Variants in PHF11 observed in about 807,000 individuals in gnomAD.
The protein encoded by PHF11 is BRCA1 C-terminus-associated protein.
In PHF11, 38 loss-of-function variants were observed where a neutral mutation model predicts 40.5. That is an observed-to-expected ratio of 0.94 (90% CI 0.72 to 1.23). The LOEUF is 1.23. Ranked by LOEUF, PHF11 falls within the 50% of genes most tolerant of loss-of-function variation. PHF11 has a pLI of 0.00. For missense variants in PHF11, 369 were observed against 392.4 expected (o/e 0.94, Z 0.50); for synonymous variants, 127 against 138.2 (o/e 0.92, Z 0.57).
chr13:49,506,028 C>T (rs1958982423), intron 1 of PHF11, among the ~76,000 whole-genome samples: 1 of 152,038 alleles, frequency 6.6e-6, no homozygotes, highest in Non-Finnish European at 1.5e-5. Context: ...TTATTGAGAG[C>T]TTGCTATGGG....
chr13:49,505,973 A>C (rs1041458522), intron 1 of PHF11, among the ~76,000 whole-genome samples: 2 of 152,150 alleles, frequency 1.3e-5, no homozygotes, highest in Admixed American at 1.3e-4. Context: ...CTATTTCTTA[A>C]TATGCCATTG....
At chr13:49,523,502 A>T (rs891089727) in intron 7 of PHF11, 14 of 469,190 alleles carry the variant, frequency 3.0e-5, no homozygotes, top group Non-Finnish European at 5.2e-5. Context: ...GGCTTGCCTG[A>T]GCTCAGAATC....
intron 8 of PHF11, among the ~76,000 whole-genome samples, chr13:49,525,287 T>C (rs1017382715): frequency 1.3e-5 from 2 of 152,156 alleles, no homozygotes; most frequent in Non-Finnish European, 2.9e-5. Context: ...TCGCTCTCTC[T>C]CCCAGGCTGA....
At chr13:49,512,013 C>T (rs1959088187) in intron 2 of PHF11, among the ~76,000 whole-genome samples, 1 of 152,206 alleles carries the variant, frequency 6.6e-6, no homozygotes, top group African/African-American at 2.4e-5. Context: ...TTTTACATTT[C>T]TACCAATAAT....
chr13:49,514,021 C>G (rs1039832928), intron 3 of PHF11, among the ~76,000 whole-genome samples: 1 of 152,216 alleles, frequency 6.6e-6, no homozygotes, highest in African/African-American at 2.4e-5. Context: ...TCTGCACCAA[C>G]TGCTGGGGGT....
chr13:49,525,690 G>C (rs2139079832), intron 8 of PHF11: 1 of 402,742 alleles, frequency 2.5e-6, no homozygotes, highest in Non-Finnish European at 4.9e-6. Context: ...ATTTTCTATA[G>C]GGCAAAACCA....
intron 9 of PHF11, 81 bp from the exon 10 acceptor site, chr13:49,528,430 G>A (rs1959402810): frequency 3.0e-6 from 3 of 1,005,970 alleles, no homozygotes; most frequent in Admixed American, 2.5e-5. Context: ...GTACCTGCAA[G>A]TGAAAGGGGC....
Position 49,513,090 on chromosome 13 carries a change from A to G in PHF11, c.248A>G (p.Asp83Gly), listed in dbSNP as rs1366704719. 3 of 1,598,034 alleles carry G rather than the reference A, an allele frequency of 1.9e-6. No individual in the cohort carries two copies. The highest frequency in any genetic ancestry group is 1.7e-6 in the Non-Finnish European group (2 of 1,165,858). ...TCTTCAGGACTTGTGGAATGTGAGG[A>G]TCAGGATCCACTTAATCCTGATAGA... Reference protein sequence around the residue: ...LYSSGLVECEDQDPLNPDRSF... With the variant: ...LYSSGLVECEGQDPLNPDRSF... The change falls in exon 3 of 10, where the codon GAT becomes GGT. Residue 83 changes from aspartate (D) to glycine (G), a missense_variant. Asp to Gly is a moderately conservative substitution (Grantham distance 94, BLOSUM62 -1). Transcript: ENST00000378319.
chr13:49,500,304 T>C (rs1958882166), intron 1 of PHF11, among the ~76,000 whole-genome samples: 1 of 152,324 alleles, frequency 6.6e-6, no homozygotes, highest in South Asian at 2.1e-4. Flanking sequence ...ACCAATGGGC[T>C]CTTCCCTAAA....
rs1250916899 is a variant in PHF11 at position 49,520,926 on chromosome 13, T to G, written c.491T>G (p.Ile164Ser). ...TGCCAGCAACATGCTCAATTCCCGA[T>G]CATCGCTCAAAGTGGTAAGTTTCTA... ...LLCQQHAQFP[I>S]IAQSAKFSGV... is the part of the protein sequence containing the mutation. The change falls in exon 5 of 10, where the codon ATC becomes AGC. Residue 164 changes from isoleucine (I) to serine (S), a missense_variant. By Grantham distance (142) the Ile-to-Ser change is moderately radical. Transcript: ENST00000378319. 6.3e-7 allele frequency: 1 copy of G among 1,583,930 alleles called. No homozygotes were observed. The highest frequency in any genetic ancestry group is 1.3e-5 in the African/African-American group (1 of 74,258).
chr13:49,499,127 T>C (rs1175618691), intron 1 of PHF11, among the ~76,000 whole-genome samples: 1 of 152,244 alleles, frequency 6.6e-6, no homozygotes, highest in Non-Finnish European at 1.5e-5. Context: ...GCTTTGTTCT[T>C]CTCTTTCTCT....
At chr13:49,508,308 G>T (rs1016464759) in intron 2 of PHF11, among the ~76,000 whole-genome samples, 1 of 144,858 alleles carries the variant, frequency 6.9e-6, no homozygotes, top group Non-Finnish European at 1.5e-5. Flanking sequence ...TAAATAATAT[G>T]CATTTTATAT....
At chr13:49,496,482 G>T in intron 1 of PHF11, 7 of 1,002,056 alleles carry the variant, frequency 7.0e-6, no homozygotes, top group Non-Finnish European at 8.3e-6. Context: ...GCCCTGATGC[G>T]GTGAGGCAGG....
At chr13:49,510,313 C>T (rs575842203) in intron 2 of PHF11, among the ~76,000 whole-genome samples, 3 of 152,172 alleles carry the variant, frequency 2.0e-5, no homozygotes, top group East Asian at 1.9e-4. Context: ...GTGTGAGCCA[C>T]CATACCTGGC....
chr13:49,524,497 G>A (rs111478856), intron 8 of PHF11, among the ~76,000 whole-genome samples: 5,827 of 148,520 alleles, frequency 0.039, 206 homozygotes, highest in African/African-American at 0.085. Context: ...TTTTTAAGAC[G>A]GAGTTTCGCC....
chr13:49,527,655 T>A (rs989546986), intron 9 of PHF11, among the ~76,000 whole-genome samples: 6 of 152,118 alleles, frequency 3.9e-5, no homozygotes, highest in African/African-American at 1.4e-4. Context: ...GCCTTAAAAA[T>A]TTTTTTCTAA....
At chr13:49,496,637 G>A in intron 1 of PHF11, 1 of 164,120 alleles carries the variant, frequency 6.1e-6, no homozygotes, top group Non-Finnish European at 1.3e-5. Context: ...TTGCGTGTGT[G>A]TATAGCTCCA....
intron 2 of PHF11, among the ~76,000 whole-genome samples, chr13:49,509,126 A>G (rs973683800): frequency 6.6e-6 from 1 of 152,180 alleles, no homozygotes; most frequent in African/African-American, 2.4e-5. Context: ...ATTTATGGAA[A>G]AGTTGCATAT....
At position 49,513,136 on chromosome 13, in the gene PHF11, A is replaced by T. The variant is rs760718973; in HGVS notation, c.294A>T (p.Val98=). 7.6e-6 allele frequency: 12 copies of T among 1,580,286 alleles called. No homozygotes were observed. The highest frequency in any genetic ancestry group is 7.0e-6 in the Non-Finnish European group (8 of 1,149,366). Residue 98 remains valine (V), a synonymous_variant, in exon 3 of 10, where the codon GTA becomes GTT. Transcript: ENST00000378319. ...NPDRSFDVES[V]KKEIQRGRKL... ...ATAGAAGTTTTGATGTGGAATCAGT[A>T]AAGAAAGAAATCCAGAGAGGAAGGA...
Sources: allele counts gnomAD v4.1 joint callset (sites outside exome capture counted in the v4.1 genomes callset), GRCh38; gene constraint gnomAD v4.1.1; transcripts MANE v1.5; gene names NCBI Gene and HGNC (gene_info 2026-07-23, HGNC 2026-07-21).